KDM6A: variants seen among roughly 807,000 people sequenced by gnomAD.
KDM6A encodes lysine-specific demethylase 6A.
A neutral mutation model predicts 117.6 loss-of-function variants in KDM6A; 11 were observed. That is an observed-to-expected ratio of 0.09 (90% CI 0.06 to 0.15). The LOEUF (loss-of-function observed/expected upper bound fraction) is 0.15, where lower values mean the gene tolerates loss of function less well. Among genes scored for constraint, KDM6A ranks in the 10% least tolerant of loss-of-function variants. The pLI, the probability that KDM6A is intolerant of heterozygous loss-of-function variation, is 1.00. For synonymous variants in KDM6A, 384 were observed against 396.1 expected, an observed-to-expected ratio of 0.97 and a Z score of 0.36; for missense variants, 799 against 1,077.3, an observed-to-expected ratio of 0.74 and a Z score of 3.62.
intron 2 of KDM6A, among the ~76,000 whole-genome samples, chrX:44,902,506 C>G (rs1175553560): frequency 1.8e-5 from 2 of 108,949 alleles, no homozygotes; most frequent in Non-Finnish European, 3.8e-5. Flanking sequence ...TCTCCTGCCT[C>G]AGCCTCCGGA....
At chrX:44,885,180 C>T (rs747068244) in intron 2 of KDM6A, among the ~76,000 whole-genome samples, 58 of 108,148 alleles carry the variant, frequency 5.4e-4, no homozygotes, top group African/African-American at 1.9e-3. Context: ...CATGTGCCAG[C>T]ACGTGCAGCT....
At chrX:45,050,056 A>T (rs181104709) in intron 8 of KDM6A, among the ~76,000 whole-genome samples, 133 of 112,913 alleles carry the variant, frequency 1.2e-3, no homozygotes, top group African/African-American at 4.2e-3. Context: ...ATAACTCTGG[A>T]TCGCTGGACG....
At chrX:44,936,639 A>G (rs1459966041) in intron 2 of KDM6A, among the ~76,000 whole-genome samples, 1 of 112,132 alleles carries the variant, frequency 8.9e-6, no homozygotes, top group Admixed American at 9.6e-5. Flanking sequence ...AGTGTTTCGG[A>G]TTTTGGAGTA....
chrX:44,977,443 G>A (rs752213607), intron 4 of KDM6A, among the ~76,000 whole-genome samples: 3 of 110,031 alleles, frequency 2.7e-5, no homozygotes, highest in African/African-American at 9.9e-5. Context: ...TTTTTTTGCA[G>A]AAATAGAATC....
At chrX:44,874,139 C>G in intron 2 of KDM6A, 152 bp downstream of exon 2, 1 of 503,601 alleles carries the variant, frequency 2.0e-6, no homozygotes, top group African/African-American at 2.3e-5. Context: ...TCTCCCCCCA[C>G]CCCCGGGTAC....
chrX:45,111,471 G>C lies in KDM6A; in HGVS notation c.*60G>C. 11 of 981,109 alleles carry C rather than the reference G, an allele frequency of 1.1e-5. No individual in the cohort carries two copies. Among genetic ancestry groups the C allele is most frequent in the Non-Finnish European group, 1.3e-5 (9 of 687,099 alleles). 80.9% of individuals were successfully genotyped at this position (981,109 alleles called of 1,213,427 possible). A position where few individuals can be genotyped will look rare whatever the true frequency, so the allele number is the denominator to read the frequency against. On this transcript the variant is annotated 3_prime_UTR_variant, in exon 30 of 30. Transcript: ENST00000611820. ...GCTATTCAGGAAATAACCCAGTTCTGCACCACTGGTTTTTGTAGCTATCTC... is the reference window on the plus strand; with the variant it reads ...GCTATTCAGGAAATAACCCAGTTCTCCACCACTGGTTTTTGTAGCTATCTC...
chrX:45,101,374 AATT>A (rs199683560), intron 27 of KDM6A, among the ~76,000 whole-genome samples: 4,181 of 111,267 alleles, frequency 0.038, 209 homozygotes, highest in African/African-American at 0.13. Context: ...TAGTTGTTGT[AATT>A]ATTATTATTT....
At chrX:44,987,236 CT>C (rs1379445607) in intron 4 of KDM6A, among the ~76,000 whole-genome samples, 1 of 111,281 alleles carries the variant, frequency 9.0e-6, no homozygotes, top group Admixed American at 9.6e-5. Flanking sequence ...CAACCCCTGC[CT>C]TTTTTTGTTT....
Position 45,105,968 on chromosome X carries a change from T to C in KDM6A, c.4035-1442T>C, listed in dbSNP as rs1309605471. 3.6e-5 allele frequency among the ~76,000 whole-genome samples: 4 copies of C among 112,039 alleles called. No individual in the cohort carries two copies. In the East Asian group the frequency reaches 1.1e-3, roughly 32 times the overall value. On this transcript the variant is annotated intron_variant, in intron 27 of 29. Coordinates refer to ENST00000611820, the MANE Select transcript of KDM6A (RefSeq NM_001291415.2). ...TTGCTCCTTATGCGAAGCTAATGCC[T>C]GATGATCTGAGGTGGAACAATTTCA...
At chrX:44,947,937 A>G (rs1602303567) in intron 2 of KDM6A, among the ~76,000 whole-genome samples, 1 of 111,352 alleles carries the variant, frequency 9.0e-6, no homozygotes. Flanking sequence ...TCAGAATGTC[A>G]TACAAAAAGT....
At chrX:45,052,511 TTAGA>T (rs1442240850) in intron 9 of KDM6A, among the ~76,000 whole-genome samples, 1 of 111,902 alleles carries the variant, frequency 8.9e-6, no homozygotes, top group Non-Finnish European at 1.9e-5. Flanking sequence ...ATCATTATCT[TTAGA>T]TAATATACAT....
chrX:45,052,933 G>A (rs1384871406), intron 9 of KDM6A, among the ~76,000 whole-genome samples: 5 of 111,073 alleles, frequency 4.5e-5, no homozygotes, highest in Non-Finnish European at 7.5e-5. Flanking sequence ...GGCATCAAGC[G>A]ATCCTTCTGC....
chrX:45,003,261 TGTCTATC>T (rs1176375586), intron 4 of KDM6A, among the ~76,000 whole-genome samples: 1 of 110,906 alleles, frequency 9.0e-6, no homozygotes, highest in African/African-American at 3.3e-5. Context: ...AGGGAGGAAC[TGTCTATC>T]GTCCTGTCCT....
chrX:44,881,685 T>C (rs1357408017), intron 2 of KDM6A, among the ~76,000 whole-genome samples: 2 of 110,592 alleles, frequency 1.8e-5, no homozygotes, highest in African/African-American at 6.6e-5. Context: ...GTGGTACTAT[T>C]TTGTCTTTTT....
intron 8 of KDM6A, among the ~76,000 whole-genome samples, chrX:45,051,247 A>G (rs2043834088): frequency 9.0e-6 from 1 of 111,282 alleles, no homozygotes; most frequent in Non-Finnish European, 1.9e-5. Context: ...TGACCTGGTG[A>G]TTTGCCTGCC....
intron 18 of KDM6A, among the ~76,000 whole-genome samples, chrX:45,071,526 G>A (rs2044832447): frequency 9.0e-6 from 1 of 111,511 alleles, no homozygotes; most frequent in Non-Finnish European, 1.9e-5. Flanking sequence ...TGTCACTGAC[G>A]AATGATTGAG....
At chrX:45,035,419 A>T (rs1364496952) in intron 7 of KDM6A, among the ~76,000 whole-genome samples, 3 of 111,747 alleles carry the variant, frequency 2.7e-5, no homozygotes. Context: ...ATAGTTTTAT[A>T]TATCATTTAG....
At chrX:44,946,168 C>T (rs1013674388) in intron 2 of KDM6A, among the ~76,000 whole-genome samples, 11 of 112,332 alleles carry the variant, frequency 9.8e-5, no homozygotes, top group Admixed American at 9.4e-4. Context: ...ACGATCTTGG[C>T]TCACTGCAAC....
At chrX:45,086,530 C>T (rs1056247005) in intron 25 of KDM6A, among the ~76,000 whole-genome samples, 5 of 111,670 alleles carry the variant, frequency 4.5e-5, no homozygotes, top group Non-Finnish European at 9.4e-5. Flanking sequence ...CTCCTGAGCT[C>T]AGGCGATCCA....
Sources: allele counts gnomAD v4.1 joint callset (sites outside exome capture counted in the v4.1 genomes callset), GRCh38; gene constraint gnomAD v4.1.1; transcripts MANE v1.5; gene names NCBI Gene and HGNC (gene_info 2026-07-23, HGNC 2026-07-21).